ZNF197: variants seen among roughly 807,000 people sequenced by gnomAD.
ZNF197 encodes the protein VHL-associated KRAB-A domain-containing protein.
Under a neutral mutation model 27.4 loss-of-function variants are expected in ZNF197, and 14 were observed. The ratio of observed to expected loss-of-function variants is 0.51; its 90% CI spans 0.34 to 0.80. The LOEUF is 0.80. Among genes scored for constraint, ZNF197 ranks in the 30% least tolerant of loss-of-function variants. The pLI, the probability that ZNF197 is intolerant of heterozygous loss-of-function variation, is 0.02. For synonymous variants in ZNF197, 415 were observed against 420.0 expected, an observed-to-expected ratio of 0.99 and a Z score of 0.15; for missense variants, 1,090 against 1,222.6, an observed-to-expected ratio of 0.89 and a Z score of 1.62.
chr3:44,634,519 A>G (rs1702175788), intron 5 of ZNF197, among the ~76,000 whole-genome samples: 1 of 151,668 alleles, frequency 6.6e-6, no homozygotes, highest in African/African-American at 2.4e-5. Flanking sequence ...GCGTGATCTC[A>G]GCTCACTGTA....
In ZNF197 at chr3:44,645,724, A is replaced by C. The variant is rs1305682775; in HGVS notation, c.*1504A>C. On this transcript the variant is annotated 3_prime_UTR_variant, in exon 6 of 6. Coordinates refer to ENST00000344387, the MANE Select transcript of ZNF197 (RefSeq NM_006991.5). ...TGCTGTCAAATGATAGCCTGTTACT[A>C]ATGAAACAACATTCTGTCCCAGCAC... The C allele has an allele frequency of 2.0e-6, 2 of 985,310 alleles. No homozygotes were observed. Among genetic ancestry groups the C allele is most frequent in the Admixed American group, 1.2e-4 (2 of 16,268 alleles). The allele number at this position is 985,310 out of a possible 1,614,324, so 61.0% of individuals were successfully genotyped here. A position where few individuals can be genotyped will look rare whatever the true frequency, so the allele number is the denominator to read the frequency against.
intron 2 of ZNF197, chr3:44,630,675 GT>G (rs1203499370): frequency 2.8e-6 from 1 of 359,712 alleles, no homozygotes; most frequent in Admixed American, 3.7e-5. Context: ...AAAGGGCTAG[GT>G]AAAGGGGTCA....
intron 5 of ZNF197, among the ~76,000 whole-genome samples, chr3:44,641,185 C>T (rs146337880): frequency 1.3e-5 from 2 of 152,288 alleles, no homozygotes; most frequent in East Asian, 1.9e-4. Flanking sequence ...TTAGCCTCAT[C>T]ATTTTACAGA....
Position 44,632,402 on chromosome 3 carries a change from A to G in ZNF197, c.643-71A>G, listed in dbSNP as rs188991902. On this transcript the variant is annotated intron_variant, in intron 4 of 5. Transcript: ENST00000344387. The stretch of plus-strand genomic sequence containing the variant: ...TGGCCTCACAGTGTATCCCTTCCCC[A>G]GAAGTGAAGGGAACCTTTCGACAGG... 1.5e-3 allele frequency: 2,255 copies of G among 1,534,710 alleles called. 40 individuals carry two copies. In the South Asian group the frequency reaches 0.017, roughly 11 times the overall value.
Position 44,646,582 on chromosome 3 carries a change from C to A in ZNF197, c.*2362C>A. ...CGTGGAATATTGCATAAGAAAGCTG[C>A]CCTGGATTCTTCAAAATATTATTAT... On this transcript the variant is annotated 3_prime_UTR_variant, in exon 6 of 6. Coordinates refer to ENST00000344387, the MANE Select transcript of ZNF197 (RefSeq NM_006991.5). The A allele has an allele frequency of 1.1e-6, 1 of 947,370 alleles. No homozygotes were observed. Among genetic ancestry groups the A allele is most frequent in the Non-Finnish European group, 1.7e-6 (1 of 576,938 alleles). The allele number at this position is 947,370 out of a possible 1,614,324, so 58.7% of individuals were successfully genotyped here.
chr3:44,648,004 G>C lies in ZNF197; in HGVS notation c.*3784G>C, dbSNP rs1347117607. The C allele has an allele frequency of 1.3e-5, 2 of 152,124 alleles. No homozygotes were observed. Among genetic ancestry groups the C allele is most frequent in the Non-Finnish European group, 1.5e-5 (1 of 68,026 alleles). The allele number at this position is 152,124 out of a possible 1,614,324, so 9.4% of individuals were successfully genotyped here. Reference sequence around the variant, plus strand: ...TAACCATGAGGGGAAAGTGGGTGAAGGGTGCTATCTTTGCAACTTCCTGTG... The same window carrying C: ...TAACCATGAGGGGAAAGTGGGTGAACGGTGCTATCTTTGCAACTTCCTGTG... On this transcript the variant is annotated 3_prime_UTR_variant, in exon 6 of 6. Transcript: ENST00000344387.
At position 44,631,076 on chromosome 3, in the gene ZNF197, C is replaced by G. The variant is rs751416368; in HGVS notation, c.405C>G (p.Val135=). The change falls in exon 3 of 6, where the codon GTC becomes GTG. Residue 135 remains valine, a synonymous_variant. Coordinates refer to ENST00000344387, the MANE Select transcript of ZNF197 (RefSeq NM_006991.5). The part of the protein sequence containing the change: ...DGPAIQVPVL[V]KDQDTLQKVV... ...CTTGTTTCCAGGTTCCAGTCCTTGT[C>G]AAGGATCAGGACACTCTCCAGAAGG... The G allele has an allele frequency of 6.2e-7, 1 of 1,614,058 alleles. No homozygotes were observed. Among genetic ancestry groups the G allele is most frequent in the South Asian group, 1.1e-5 (1 of 91,060 alleles).
chr3:44,638,627 A>G (rs1435731445), intron 5 of ZNF197, among the ~76,000 whole-genome samples: 47 of 152,224 alleles, frequency 3.1e-4, no homozygotes, highest in Non-Finnish European at 1.3e-4. Context: ...AGAAGTGGCA[A>G]GAGCAGACAG....
chr3:44,634,102 A>C (rs1325616570), intron 5 of ZNF197, among the ~76,000 whole-genome samples: 1 of 152,150 alleles, frequency 6.6e-6, no homozygotes, highest in African/African-American at 2.4e-5. Context: ...AGGAGAGCCA[A>C]TTTTCCCTGG....
intron 2 of ZNF197, chr3:44,630,776 G>A (rs1374717778): frequency 1.8e-6 from 1 of 559,984 alleles, no homozygotes; most frequent in Middle Eastern, 2.7e-4. Flanking sequence ...CTTAATTACT[G>A]CTTATTACTT....
At position 44,643,915 on chromosome 3, in the gene ZNF197, C is replaced by A; in HGVS notation, c.2785C>A (p.Pro929Thr). 1 of 1,613,970 alleles carries A rather than the reference C, an allele frequency of 6.2e-7. No homozygotes were observed. Among genetic ancestry groups the A allele is most frequent in the South Asian group, 1.1e-5 (1 of 91,062 alleles). The change falls in exon 6 of 6, where the codon CCT becomes ACT. Residue 929 changes from proline (P) to threonine (T), a missense_variant. Physicochemically the swap from Pro to Thr is conservative, Grantham distance 38. Transcript: ENST00000344387. The stretch of plus-strand genomic sequence containing the variant: ...TCAGAGAATGCACACTGGGGAAAAA[C>A]CTTATGAGTGTGACAAGTGTAGGAA... ...VHQRMHTGEK[P>T]YECDKCRKSF...
chr3:44,642,740 C>G lies in ZNF197; in HGVS notation c.1610C>G (p.Pro537Arg). The stretch of plus-strand genomic sequence containing the variant: ...CAGAGAATCCACTCTGGGGAAAAAC[C>G]CTATAAATGTGATGAATGTGGAAAG... ...LHQRIHSGEKPYKCDECGKTF... is the reference protein window; with the variant it reads ...LHQRIHSGEKRYKCDECGKTF... The change falls in exon 6 of 6, where the codon CCC (proline) becomes CGC (arginine). Residue 537 changes from proline to arginine, a missense_variant. Pro to Arg is a moderately radical substitution (Grantham distance 103). Coordinates refer to ENST00000344387, the MANE Select transcript of ZNF197 (RefSeq NM_006991.5). 1 of 1,613,562 alleles carries G rather than the reference C, an allele frequency of 6.2e-7. No homozygotes were observed. The highest frequency in any genetic ancestry group is 2.2e-5 in the East Asian group (1 of 44,828).
At chr3:44,628,034 T>C (rs1033141582) in intron 1 of ZNF197, among the ~76,000 whole-genome samples, 5 of 152,200 alleles carry the variant, frequency 3.3e-5, no homozygotes, top group African/African-American at 1.2e-4. Flanking sequence ...ATAACTGTTA[T>C]AACCTTAAAA....
At chr3:44,625,323 G>C (rs572699050) in intron 1 of ZNF197, among the ~76,000 whole-genome samples, 180 bp downstream of exon 1, 55 of 152,328 alleles carry the variant, frequency 3.6e-4, no homozygotes, top group African/African-American at 1.3e-3. Flanking sequence ...GCAGGCAGCC[G>C]GCCCGAGGGA....
Position 44,643,191 on chromosome 3 carries a change from C to T in ZNF197, c.2061C>T (p.Phe687=), listed in dbSNP as rs201527284. Residue 687 remains phenylalanine (F), a synonymous_variant, in exon 6 of 6, where the codon TTC becomes TTT. Transcript: ENST00000344387. ...LYECKDCGKV[F]GSNRNLIDHE... ...AATGTAAAGATTGTGGTAAGGTCTTCGGTTCAAACAGAAACCTCATTGACC... is the reference window on the plus strand; with the variant it reads ...AATGTAAAGATTGTGGTAAGGTCTTTGGTTCAAACAGAAACCTCATTGACC... 114 of 1,613,066 alleles carry T rather than the reference C, an allele frequency of 7.1e-5. No homozygotes were observed. The highest frequency in any genetic ancestry group is 4.5e-4 in the Admixed American group (27 of 59,846).
Position 44,644,358 on chromosome 3 carries a change from G to A in ZNF197, c.*138G>A. 7.1e-7 allele frequency: 1 copy of A among 1,409,314 alleles called. No individual in the cohort carries two copies. The highest frequency in any genetic ancestry group is 9.2e-7 in the Non-Finnish European group (1 of 1,090,118). 87.3% of individuals were successfully genotyped at this position (1,409,314 alleles called of 1,614,324 possible). A position where few individuals can be genotyped will look rare whatever the true frequency, so the allele number is the denominator to read the frequency against. Reference sequence around the variant, plus strand: ...GTAGCATATAGAAGAAAGTTAATAGGCCGGGCTTGGTGGCTCATGCCTGTA... The same window carrying A: ...GTAGCATATAGAAGAAAGTTAATAGACCGGGCTTGGTGGCTCATGCCTGTA... On this transcript the variant is annotated 3_prime_UTR_variant, in exon 6 of 6. Coordinates refer to ENST00000344387, the MANE Select transcript of ZNF197 (RefSeq NM_006991.5).
rs1026383790 is a variant in ZNF197, at chr3:44,625,135, G to A, written c.-90G>A. 1 of 152,274 alleles carries A rather than the reference G, an allele frequency of 6.6e-6. No individual in the cohort carries two copies. The highest frequency in any genetic ancestry group is 2.4e-5 in the African/African-American group (1 of 41,468). The allele number at this position is 152,274 out of a possible 1,614,324, so 9.4% of individuals were successfully genotyped here. ...GTACGCAAGGCTGGAGCCGCAGCGG[G>A]AGCCCCCGGTGAGCGGGGTGGGCTC... On this transcript the variant is annotated 5_prime_UTR_variant, in exon 1 of 6. Coordinates refer to ENST00000344387, the MANE Select transcript of ZNF197 (RefSeq NM_006991.5).
intron 5 of ZNF197, among the ~76,000 whole-genome samples, chr3:44,633,094 T>C (rs562211163): frequency 6.6e-6 from 1 of 152,346 alleles, no homozygotes; most frequent in Non-Finnish European, 1.5e-5. Context: ...GCCAAATTAC[T>C]TTCTGTAGCG....
At chr3:44,626,418 A>G (rs995853102) in intron 1 of ZNF197, among the ~76,000 whole-genome samples, 8 of 152,210 alleles carry the variant, frequency 5.3e-5, no homozygotes, top group Admixed American at 2.0e-4. Flanking sequence ...CTGCATGGCA[A>G]AAAACACTTT....
Sources: allele counts gnomAD v4.1 joint callset (sites outside exome capture counted in the v4.1 genomes callset), GRCh38; gene constraint gnomAD v4.1.1; transcripts MANE v1.5; gene names NCBI Gene and HGNC (gene_info 2026-07-23, HGNC 2026-07-21).